The following SEPTIN3 variants were observed in gnomAD, a reference collection of about 807,000 sequenced individuals.
The protein encoded by SEPTIN3 is septin 3.
In SEPTIN3, 15 loss-of-function variants were observed where a neutral mutation model predicts 45.1. That is an observed-to-expected ratio of 0.33 (90% CI 0.22 to 0.51). The LOEUF is 0.51. Ranked by LOEUF, SEPTIN3 falls within the 20% of genes least tolerant of loss-of-function variation. The pLI is 0.97. For missense variants in SEPTIN3, 289 were observed against 457.2 expected (o/e 0.63, Z 3.35); for synonymous variants, 148 against 164.8 (o/e 0.90, Z 0.78).
At chr22:41,970,877 C>T (rs778750212) in intron 1 of SEPTIN3, among the ~76,000 whole-genome samples, 10 of 152,210 alleles carry the variant, frequency 6.6e-5, no homozygotes, top group Non-Finnish European at 1.3e-4. Flanking sequence ...CCATCCTCAC[C>T]TTCTCCAGGG....
At chr22:41,991,504 C>T in intron 7 of SEPTIN3, 69 bp from the exon 8 acceptor site, 1 of 1,124,772 alleles carries the variant, frequency 8.9e-7, no homozygotes, top group Non-Finnish European at 1.4e-6. Flanking sequence ...CTCACGCACA[C>T]AGGTGCACAC....
At position 41,972,410 on chromosome 22, in the gene SEPTIN3, A is replaced by T. The variant is rs2077969307; in HGVS notation, c.918A>T (p.Thr306=). 1 of 398,926 alleles carries T rather than the reference A, an allele frequency of 2.5e-6. No individual in the cohort carries two copies. The highest frequency in any genetic ancestry group is 4.4e-6 in the Non-Finnish European group (1 of 226,082). 24.7% of individuals were successfully genotyped at this position (398,926 alleles called of 1,614,324 possible). A position where few individuals can be genotyped will look rare whatever the true frequency, so the allele number is the denominator to read the frequency against. The change falls in exon 2 of 12, where the codon ACA becomes ACT. Residue 306 remains threonine, a synonymous_variant. Coordinates refer to ENST00000644076, the MANE Select transcript of SEPTIN3 (RefSeq NM_001363845.2). ...CTGCCCTGGATATCAAGCTGGGCAC[A>T]GCCAGAGACTTGTCTTCGGTAGGGA... ...EFPALDIKLG[T]ARDLSSVGTV...
Position 41,994,747 on chromosome 22 carries a change from T to C in SEPTIN3, c.2505+33T>C. 1.2e-6 allele frequency: 2 copies of C among 1,614,060 alleles called. No individual in the cohort carries two copies. Among genetic ancestry groups the C allele is most frequent in the Non-Finnish European group, 1.7e-6 (2 of 1,180,016 alleles). On this transcript the variant is annotated intron_variant, in intron 11 of 11. Coordinates refer to ENST00000644076, the MANE Select transcript of SEPTIN3 (RefSeq NM_001363845.2). This position sits in a 1 kb window ranked among gnomAD's most constrained non-coding sequence, Gnocchi z 4.2. ...TGGACACAGAGGAAAGCCACGACAG[T>C]AACCCATGACGACCACTTCTCTGTG...
At chr22:41,970,795 C>G (rs1021794739) in intron 1 of SEPTIN3, among the ~76,000 whole-genome samples, 1 of 152,220 alleles carries the variant, frequency 6.6e-6, no homozygotes, top group Non-Finnish European at 1.5e-5. Flanking sequence ...ATGGCAGCCT[C>G]TTCAAGGGCG....
chr22:41,986,780 C>T (rs1412927897), intron 4 of SEPTIN3, among the ~76,000 whole-genome samples: 3 of 151,794 alleles, frequency 2.0e-5, no homozygotes, highest in Admixed American at 6.6e-5. Flanking sequence ...GGATAACAGG[C>T]GTGAGCAACC....
intron 3 of SEPTIN3, among the ~76,000 whole-genome samples, chr22:41,983,504 C>T (rs2078154761): frequency 6.6e-6 from 1 of 152,208 alleles, no homozygotes. Flanking sequence ...CTCCTTTAAC[C>T]TCAGGGTAAG....
intron 11 of SEPTIN3, chr22:41,995,225 G>A: frequency 1.0e-6 from 1 of 996,468 alleles, no homozygotes; most frequent in Non-Finnish European, 1.2e-6. Context: ...TAGGGGGCAG[G>A]GAGTTCAGGA....
Position 41,986,124 on chromosome 22 carries a change from G to A in SEPTIN3, c.1825+12G>A, listed in dbSNP as rs768814936. On this transcript the variant is annotated intron_variant, in intron 4 of 11. Coordinates refer to ENST00000644076, the MANE Select transcript of SEPTIN3 (RefSeq NM_001363845.2). The stretch of plus-strand genomic sequence containing the variant: ...AGCTATCGGGCATGGTGAGGACCAG[G>A]CAGGGACCCCTATGGGCTTTGTTCA... 4.3e-6 allele frequency: 7 copies of A among 1,611,410 alleles called. No homozygotes were observed. Among genetic ancestry groups the A allele is most frequent in the Non-Finnish European group, 5.9e-6 (7 of 1,178,938 alleles).
rs914762351 is a variant in SEPTIN3 at position 41,976,090 on chromosome 22, G to A, written c.1504+3094G>A. Among the ~76,000 whole-genome samples, 3 of 152,084 alleles carry A rather than the reference G, an allele frequency of 2.0e-5. No homozygotes were observed. The highest frequency in any genetic ancestry group is 7.2e-5 in the African/African-American group (3 of 41,382). On this transcript the variant is annotated intron_variant, in intron 2 of 11. Transcript: ENST00000644076. This position sits in a 1 kb window ranked among gnomAD's most constrained non-coding sequence, Gnocchi z 5.8. Reference sequence around the variant, plus strand: ...CCCTCACCTCTGCTGTCCTCTCTTTGCAGAATACCTCTCCCTTTCCATTCT... The same window carrying A: ...CCCTCACCTCTGCTGTCCTCTCTTTACAGAATACCTCTCCCTTTCCATTCT...
In SEPTIN3 at chr22:41,996,119, A is replaced by G. The variant is rs556309723; in HGVS notation, c.2506-783A>G. 1.3e-4 allele frequency: 127 copies of G among 984,816 alleles called. 1 individual carries two copies. In the South Asian group the frequency reaches 2.7e-3, roughly 21 times the overall value. 61.0% of individuals were successfully genotyped at this position (984,816 alleles called of 1,614,324 possible). On this transcript the variant is annotated intron_variant, in intron 11 of 11. Coordinates refer to ENST00000644076, the MANE Select transcript of SEPTIN3 (RefSeq NM_001363845.2). ...ATCATATTTATGTCTGTCTTTCTCTACTTTTCCCTAATTCCCTCTCCTCCT... is the reference window on the plus strand; with the variant it reads ...ATCATATTTATGTCTGTCTTTCTCTGCTTTTCCCTAATTCCCTCTCCTCCT...
At position 41,991,576 on chromosome 22, in the gene SEPTIN3, C is replaced by A; in HGVS notation, c.2167C>A (p.Arg723Ser). 1 of 1,610,054 alleles carries A rather than the reference C, an allele frequency of 6.2e-7. No individual in the cohort carries two copies. ...EEKSEFKQRV[R>S]KELEVNGIEF... ...TGTTTCTTCTCCTCGCCTCTAGGTTCGCAAGGAGCTTGAAGTAAATGGCAT... is the reference window on the plus strand; with the variant it reads ...TGTTTCTTCTCCTCGCCTCTAGGTTAGCAAGGAGCTTGAAGTAAATGGCAT... The change falls in exon 8 of 12, where the codon CGC (arginine) becomes AGC (serine). Residue 723 changes from arginine to serine, a missense_variant. Coordinates refer to ENST00000644076, the MANE Select transcript of SEPTIN3 (RefSeq NM_001363845.2).
In SEPTIN3 at chr22:41,998,060, G is replaced by GAAC. The variant is rs541121726; in HGVS notation, c.*1097_*1099dup. 6.6e-6 allele frequency: 1 copy of GAAC among 152,660 alleles called. No individual in the cohort carries two copies. The highest frequency in any genetic ancestry group is 1.5e-5 in the Non-Finnish European group (1 of 68,040). The allele number at this position is 152,660 out of a possible 1,614,324, so 9.5% of individuals were successfully genotyped here. A position where few individuals can be genotyped will look rare whatever the true frequency, so the allele number is the denominator to read the frequency against. Reference sequence around the variant, plus strand: ...AGAGGCCCACGCCTAGGGGATGCAAGAACAACCCGTTTCTTAAATGTTACC... The same window carrying GAAC: ...AGAGGCCCACGCCTAGGGGATGCAAGAACAACAACCCGTTTCTTAAATGTTACC... On this transcript the variant is annotated 3_prime_UTR_variant, in exon 12 of 12. Transcript: ENST00000644076.
At chr22:41,995,206 A>T in intron 11 of SEPTIN3, 1 of 1,009,348 alleles carries the variant, frequency 9.9e-7, no homozygotes, top group Non-Finnish European at 1.2e-6. Context: ...CAGTGGAGCT[A>T]GACCTGAGTA....
At chr22:41,977,266 C>G (rs2078043803) in intron 2 of SEPTIN3, among the ~76,000 whole-genome samples, 2 of 151,988 alleles carry the variant, frequency 1.3e-5, no homozygotes, top group African/African-American at 4.8e-5. Context: ...AGACATAGGA[C>G]GCGGGGAGAC....
At chr22:41,990,049 C>CT (rs753568212) in intron 7 of SEPTIN3, among the ~76,000 whole-genome samples, 5,428 of 133,252 alleles carry the variant, frequency 0.041, 319 homozygotes, top group African/African-American at 0.13. Context: ...GGCATCTTCT[C>CT]TTTGTTTTTT....
chr22:41,991,495 T>G (rs1359599761), intron 7 of SEPTIN3, 78 bp from the exon 8 acceptor site: 1 of 1,028,618 alleles, frequency 9.7e-7, no homozygotes, highest in Admixed American at 1.7e-5. Context: ...TGACCTCAGC[T>G]CACGCACACA....
chr22:41,992,341 T>G (rs2078331921), intron 8 of SEPTIN3, among the ~76,000 whole-genome samples: 1 of 152,166 alleles, frequency 6.6e-6, no homozygotes, highest in Admixed American at 6.5e-5. Context: ...ATTGTGCCAT[T>G]GCACTCCAGC....
intron 7 of SEPTIN3, 83 bp downstream of exon 7, chr22:41,989,767 C>A: frequency 1.1e-6 from 1 of 902,594 alleles, no homozygotes; most frequent in South Asian, 1.4e-5. Context: ...TAGCCCTCAT[C>A]ATTCTGCCTT....
intron 3 of SEPTIN3, 48 bp downstream of exon 3, chr22:41,981,884 A>G: frequency 6.5e-7 from 1 of 1,542,454 alleles, no homozygotes. Context: ...GGGCAGCACC[A>G]AGGATCCCAT....
Sources: gnomAD v4.1 joint callset for allele counts (sites outside exome capture counted in the v4.1 genomes callset) on GRCh38, gnomAD v4.1.1 for gene constraint, Gnocchi (gnomAD v3.1) non-coding constraint, MANE v1.5 for transcripts, NCBI Gene and HGNC (gene_info 2026-07-23, HGNC 2026-07-21) for gene names.